The following RPS6KC1 variants were observed in gnomAD, a reference collection of about 807,000 sequenced individuals.
RPS6KC1 encodes the protein ribosomal protein S6 kinase C1.
A neutral mutation model predicts 103.8 loss-of-function variants in RPS6KC1; 54 were observed. The ratio of observed to expected loss-of-function variants is 0.52; its 90% CI spans 0.42 to 0.65. RPS6KC1 has a LOEUF of 0.65. RPS6KC1 is among the 30% of genes least tolerant of loss of function. The probability of loss-of-function intolerance (pLI) is 0.00; values close to 1 mark genes in which losing one functional copy is unlikely to be tolerated. For missense variants in RPS6KC1, 1,151 were observed against 1,253.8 expected, an observed-to-expected ratio of 0.92 and a Z score of 1.24; for synonymous variants, 439 against 438.7, an observed-to-expected ratio of 1.00 and a Z score of -0.01.
At chr1:213,737,796 A>G in the RPS6KC1 span, among the ~76,000 whole-genome samples, 1 of 152,210 alleles carries the variant, frequency 6.6e-6, no homozygotes, top group South Asian at 2.1e-4. Context: ...ACAGGCAAGA[A>G]AAAGGTCCAG....
chr1:213,129,179 T>C (rs1321077933), intron 5 of RPS6KC1, among the ~76,000 whole-genome samples: 10 of 152,146 alleles, frequency 6.6e-5, no homozygotes, highest in Non-Finnish European at 1.3e-4. Context: ...GCTTTTTCCT[T>C]TATTAAAATG....
At chr1:213,415,777 G>T in the RPS6KC1 span, among the ~76,000 whole-genome samples, 1 of 152,160 alleles carries the variant, frequency 6.6e-6, no homozygotes, top group Non-Finnish European at 1.5e-5. Context: ...TGGAGCCTCG[G>T]GCTTCAGGAA....
At chr1:213,689,131 A>G in the RPS6KC1 span, among the ~76,000 whole-genome samples, 5 of 152,306 alleles carry the variant, frequency 3.3e-5, no homozygotes, top group East Asian at 7.7e-4. Context: ...GAAAGCAGTC[A>G]GAGGAGGGAT....
the RPS6KC1 span, among the ~76,000 whole-genome samples, chr1:213,454,111 CAA>C: frequency 1.3e-5 from 2 of 150,682 alleles, no homozygotes; most frequent in African/African-American, 4.9e-5. Flanking sequence ...TTGGGGGAGT[CAA>C]AAGTTTATTA....
At chr1:213,758,667 C>T in the RPS6KC1 span, among the ~76,000 whole-genome samples, 6 of 151,860 alleles carry the variant, frequency 4.0e-5, no homozygotes, top group Non-Finnish European at 8.8e-5. Flanking sequence ...TGATTCCAAA[C>T]TTCATGAATG....
chr1:213,508,669 C>T, the RPS6KC1 span, among the ~76,000 whole-genome samples: 1 of 152,100 alleles, frequency 6.6e-6, no homozygotes, highest in Non-Finnish European at 1.5e-5. Context: ...CCACATATAA[C>T]CCAGGAAGAC....
chr1:213,831,347 G>A, the RPS6KC1 span, among the ~76,000 whole-genome samples: 1 of 152,174 alleles, frequency 6.6e-6, no homozygotes, highest in African/African-American at 2.4e-5. Context: ...ATAAGAGTCA[G>A]TAGTAGGAGG....
chr1:213,425,371 A>G, the RPS6KC1 span, among the ~76,000 whole-genome samples: 2 of 152,114 alleles, frequency 1.3e-5, no homozygotes, highest in Non-Finnish European at 2.9e-5. Context: ...TGCATTTTCT[A>G]TGCTTTTAGT....
At chr1:213,414,442 G>T in the RPS6KC1 span, among the ~76,000 whole-genome samples, 1 of 152,220 alleles carries the variant, frequency 6.6e-6, no homozygotes, top group South Asian at 2.1e-4. Context: ...ACAAGAGATA[G>T]AACAGAGAGC....
chr1:213,781,549 G>T, the RPS6KC1 span, among the ~76,000 whole-genome samples: 3 of 152,138 alleles, frequency 2.0e-5, no homozygotes, highest in Non-Finnish European at 2.9e-5. Flanking sequence ...TTTTTTCCAC[G>T]TGTGAATTTG....
chr1:213,226,233 A>AAG (rs2148824166), intron 8 of RPS6KC1, among the ~76,000 whole-genome samples: 1 of 151,244 alleles, frequency 6.6e-6, no homozygotes, highest in South Asian at 2.1e-4. Flanking sequence ...AAAAAAAAAA[A>AAG]AAAAGTCACA....
chr1:213,484,758 G>A, the RPS6KC1 span, among the ~76,000 whole-genome samples: 51 of 152,350 alleles, frequency 3.3e-4, 1 homozygote, highest in Non-Finnish European at 8.8e-5. Flanking sequence ...CTGAAGAAAG[G>A]ATTCAATTGC....
the RPS6KC1 span, among the ~76,000 whole-genome samples, chr1:213,519,887 AAATG>A: frequency 1.3e-5 from 2 of 152,216 alleles, no homozygotes; most frequent in Non-Finnish European, 2.9e-5. Context: ...GTGGGATCTC[AAATG>A]AACTCCAGAA....
intron 3 of RPS6KC1, among the ~76,000 whole-genome samples, chr1:213,094,211 T>G (rs1288167822): frequency 6.6e-6 from 1 of 152,178 alleles, no homozygotes; most frequent in Non-Finnish European, 1.5e-5. Flanking sequence ...TTCTCATTTT[T>G]TCCTGAACCA....
chr1:213,440,722 T>A, the RPS6KC1 span, among the ~76,000 whole-genome samples: 1 of 151,526 alleles, frequency 6.6e-6, no homozygotes, highest in East Asian at 1.9e-4. Context: ...TCAGAATGGG[T>A]AGGATAGTCT....
chr1:213,075,178 A>G (rs991245873), intron 2 of RPS6KC1, among the ~76,000 whole-genome samples: 3 of 151,960 alleles, frequency 2.0e-5, no homozygotes, highest in Non-Finnish European at 4.4e-5. Context: ...CTGCAAATCT[A>G]ATTGTTTCCA....
At chr1:213,645,253 G>A in the RPS6KC1 span, among the ~76,000 whole-genome samples, 1 of 151,868 alleles carries the variant, frequency 6.6e-6, no homozygotes, top group African/African-American at 2.4e-5. Flanking sequence ...GGTTTTTTTT[G>A]TTTTTGATCT....
At chr1:213,532,238 G>T in the RPS6KC1 span, among the ~76,000 whole-genome samples, 1 of 152,174 alleles carries the variant, frequency 6.6e-6, no homozygotes, top group Non-Finnish European at 1.5e-5. Context: ...AGCGGCCAAG[G>T]CAGCCCCATC....
chr1:213,399,862 C>A, the RPS6KC1 span, among the ~76,000 whole-genome samples: 1 of 152,126 alleles, frequency 6.6e-6, no homozygotes, highest in African/African-American at 2.4e-5. Context: ...GTAGCCTGTG[C>A]CATTTGAAGC....
Sources: allele counts gnomAD v4.1 joint callset (sites outside exome capture counted in the v4.1 genomes callset), GRCh38; gene constraint gnomAD v4.1.1; transcripts MANE v1.5; gene names NCBI Gene and HGNC (gene_info 2026-07-23, HGNC 2026-07-21).